The following TIAM2 variants were observed in gnomAD, a reference collection of about 807,000 sequenced individuals.
TIAM2 encodes rho guanine nucleotide exchange factor TIAM2.
Under a neutral mutation model 152.9 loss-of-function variants are expected in TIAM2, and 80 were observed. That is an observed-to-expected ratio of 0.52 (90% CI 0.44 to 0.63). The LOEUF (loss-of-function observed/expected upper bound fraction) is 0.63, where lower values mean the gene tolerates loss of function less well. Among genes scored for constraint, TIAM2 ranks in the 30% least tolerant of loss-of-function variants. The pLI, the probability that TIAM2 is intolerant of heterozygous loss-of-function variation, is 0.00. For missense variants in TIAM2, 1,965 were observed against 2,120.1 expected, an observed-to-expected ratio of 0.93 and a Z score of 1.44; for synonymous variants, 804 against 838.0, an observed-to-expected ratio of 0.96 and a Z score of 0.70.
chr6:155,023,221 G>C (rs773011618), intron 1 of TIAM2, among the ~76,000 whole-genome samples: 1 of 152,096 alleles, frequency 6.6e-6, no homozygotes, highest in East Asian at 1.9e-4. Context: ...TCTGAGCCAG[G>C]TGGGAATCTC....
intron 2 of TIAM2, among the ~76,000 whole-genome samples, chr6:155,099,557 C>T (rs10223883): frequency 0.37 from 56,656 of 151,978 alleles, 11,281 homozygotes; most frequent in Admixed American, 0.54. Flanking sequence ...GGCTCACAAA[C>T]GTGATGCATA....
intron 1 of TIAM2, among the ~76,000 whole-genome samples, chr6:155,004,579 A>G (rs1161685636): frequency 6.6e-6 from 1 of 151,960 alleles, no homozygotes; most frequent in Non-Finnish European, 1.5e-5. Context: ...TACTTTTAGT[A>G]GAGACGGGGT....
chr6:155,224,192 G>C (rs1300018369), intron 15 of TIAM2, among the ~76,000 whole-genome samples: 2 of 152,196 alleles, frequency 1.3e-5, no homozygotes, highest in Non-Finnish European at 2.9e-5. Context: ...GGCATTTTCT[G>C]TGCCTTTCAT....
chr6:155,126,568 C>G (rs1437398004), intron 2 of TIAM2, among the ~76,000 whole-genome samples: 1 of 152,068 alleles, frequency 6.6e-6, no homozygotes, highest in Non-Finnish European at 1.5e-5. Flanking sequence ...CCTGTCTCTA[C>G]TAAAAATACA....
intron 9 of TIAM2, among the ~76,000 whole-genome samples, chr6:155,167,863 A>G (rs1031018871): frequency 8.5e-5 from 13 of 152,234 alleles, no homozygotes; most frequent in Non-Finnish European, 1.9e-4. Flanking sequence ...TAATCAAGAC[A>G]GTATATTCGA....
chr6:155,131,589 C>CT (rs1276320998), intron 4 of TIAM2, among the ~76,000 whole-genome samples: 17 of 127,542 alleles, frequency 1.3e-4, no homozygotes, highest in Non-Finnish European at 1.7e-4. Context: ...TTTTTTTTTT[C>CT]TTTTTTTTGA....
intron 15 of TIAM2, among the ~76,000 whole-genome samples, chr6:155,215,110 G>C (rs1459638933): frequency 6.6e-6 from 1 of 152,174 alleles, no homozygotes; most frequent in Non-Finnish European, 1.5e-5. Context: ...TGATCTGCTT[G>C]AGTTACACAT....
In TIAM2 at chr6:155,144,669, G is replaced by T; in HGVS notation, c.1694G>T (p.Arg565Leu). The T allele has an allele frequency of 6.2e-7, 1 of 1,605,872 alleles. No individual in the cohort carries two copies. Among genetic ancestry groups the T allele is most frequent in the Non-Finnish European group, 8.5e-7 (1 of 1,177,080 alleles). Reference sequence around the variant, plus strand: ...TCCATGGATCAGAGCAGTGCCCCTCGGTGTGCTCTGTTTGCAGAAGACAGC... The same window carrying T: ...TCCATGGATCAGAGCAGTGCCCCTCTGTGTGCTCTGTTTGCAGAAGACAGC... ...KNSMDQSSAP[R>L]CALFAEDSIV... Residue 565 changes from arginine (R) to leucine (L), a missense_variant, in exon 6 of 27, where the codon CGG (arginine) becomes CTG (leucine). Transcript: ENST00000682666.
chr6:155,146,845 C>T (rs1779830941), intron 6 of TIAM2, among the ~76,000 whole-genome samples: 1 of 151,014 alleles, frequency 6.6e-6, no homozygotes, highest in South Asian at 2.1e-4. Flanking sequence ...TTTCGAACTC[C>T]TGACCTCAAG....
chr6:155,045,840 C>CTTTTTTTTTTTTTTTTTTT (rs11354850), intron 1 of TIAM2, among the ~76,000 whole-genome samples: 12 of 60,492 alleles, frequency 2.0e-4, no homozygotes, highest in East Asian at 5.9e-4. Flanking sequence ...ATAGTGCCCT[C>CTTTTTTTTTTTTTTTTTTT]TTTTTTTTTT....
At chr6:155,216,819 T>C in intron 15 of TIAM2, 1 of 974,422 alleles carries the variant, frequency 1.0e-6, no homozygotes, top group Non-Finnish European at 1.3e-6. Flanking sequence ...CCGGTGCCTT[T>C]CTAGAGCAGG....
intron 1 of TIAM2, among the ~76,000 whole-genome samples, chr6:155,058,198 C>G (rs1435102763): frequency 6.6e-6 from 1 of 152,148 alleles, no homozygotes; most frequent in Non-Finnish European, 1.5e-5. Context: ...AAGGTGTAAT[C>G]ATTGCTAATG....
intron 10 of TIAM2, 111 bp downstream of exon 10, chr6:155,177,088 G>C (rs748775466): frequency 1.1e-5 from 11 of 1,027,098 alleles, no homozygotes; most frequent in Non-Finnish European, 1.4e-5. Context: ...TCCATGCCAG[G>C]GAACATATTA....
chr6:155,026,557 A>G (rs9478609), intron 1 of TIAM2, among the ~76,000 whole-genome samples: 33,813 of 152,248 alleles, frequency 0.22, 4,146 homozygotes, highest in African/African-American at 0.32. Flanking sequence ...TTTTGTAATA[A>G]AGAGGCTGCA....
intron 14 of TIAM2, among the ~76,000 whole-genome samples, chr6:155,207,105 T>C (rs1486455554): frequency 2.0e-5 from 3 of 152,184 alleles, no homozygotes; most frequent in South Asian, 2.1e-4. Flanking sequence ...TTACTCCCTT[T>C]AGCAGCTGGT....
chr6:155,083,840 A>G (rs915005955), intron 1 of TIAM2, among the ~76,000 whole-genome samples: 2 of 152,226 alleles, frequency 1.3e-5, no homozygotes, highest in East Asian at 1.9e-4. Context: ...ATGCTGGACA[A>G]TGTGGCAACA....
chr6:155,145,656 A>G (rs975276504), intron 6 of TIAM2, among the ~76,000 whole-genome samples: 1 of 152,192 alleles, frequency 6.6e-6, no homozygotes, highest in South Asian at 2.1e-4. Flanking sequence ...CGTAGGTTAC[A>G]TCTGACTGGA....
At chr6:155,046,331 CTTTTTTTTT>C (rs1164422319) in intron 1 of TIAM2, among the ~76,000 whole-genome samples, 1 of 80,786 alleles carries the variant, frequency 1.2e-5, no homozygotes, top group African/African-American at 5.2e-5. Flanking sequence ...TTGGCTCTGT[CTTTTTTTTT>C]TTTTTTTTTT....
chr6:155,113,451 T>C (rs114417555), intron 2 of TIAM2, among the ~76,000 whole-genome samples: 255 of 152,290 alleles, frequency 1.7e-3, no homozygotes, highest in African/African-American at 5.7e-3. Flanking sequence ...CCAGGCGTGG[T>C]GGCTCATGCC....
Sources: allele counts gnomAD v4.1 joint callset (sites outside exome capture counted in the v4.1 genomes callset), GRCh38; gene constraint gnomAD v4.1.1; transcripts MANE v1.5; gene names NCBI Gene and HGNC (gene_info 2026-07-23, HGNC 2026-07-21).